The following MCTP1 variants were observed in gnomAD, a reference collection of about 807,000 sequenced individuals.
The protein encoded by MCTP1 is multiple C2 and transmembrane domain containing 1, also known as multiple C2 and transmembrane domain-containing protein 1.
MCTP1 carries 69 observed loss-of-function variants against 120.6 expected under a neutral mutation model. The observed-to-expected ratio is 0.57, with a 90% confidence interval of 0.47 to 0.70. The LOEUF is 0.70. Ranked by LOEUF, MCTP1 falls within the 30% of genes least tolerant of loss-of-function variation. The probability of loss-of-function intolerance (pLI) is 0.00; values close to 1 mark genes in which losing one functional copy is unlikely to be tolerated. For missense variants in MCTP1, 1,203 were observed against 1,248.8 expected (o/e 0.96, Z 0.55); for synonymous variants, 529 against 493.1 (o/e 1.07, Z -0.96).
At chr5:94,844,927 A>T (rs965252372) in intron 17 of MCTP1, among the ~76,000 whole-genome samples, 3 of 151,956 alleles carry the variant, frequency 2.0e-5, no homozygotes, top group Non-Finnish European at 4.4e-5. Flanking sequence ...CTCTAGTTTG[A>T]CTTCACATTA....
chr5:95,207,928 CGAGA>C (rs753843212), intron 1 of MCTP1, among the ~76,000 whole-genome samples: 7 of 84,616 alleles, frequency 8.3e-5, no homozygotes, highest in Middle Eastern at 6.8e-3. Flanking sequence ...AATGAGCGGG[CGAGA>C]GAGAGAGAGA....
At chr5:94,820,382 T>C (rs963248291) in intron 17 of MCTP1, among the ~76,000 whole-genome samples, 5 of 152,190 alleles carry the variant, frequency 3.3e-5, no homozygotes, top group African/African-American at 1.2e-4. Flanking sequence ...AGGTTAGCTG[T>C]TCAATGGTTG....
intron 13 of MCTP1, among the ~76,000 whole-genome samples, chr5:94,872,410 G>T (rs1209445328): frequency 6.6e-6 from 1 of 152,014 alleles, no homozygotes; most frequent in Middle Eastern, 3.4e-3. Flanking sequence ...ATTAGTTACC[G>T]GTTCTTAAGC....
intron 1 of MCTP1, among the ~76,000 whole-genome samples, chr5:95,272,869 T>C (rs1759518708): frequency 6.6e-6 from 1 of 152,208 alleles, no homozygotes; most frequent in Admixed American, 6.5e-5. Flanking sequence ...AAGTTTTTTT[T>C]CCACTTGAAA....
chr5:94,713,141 T>C (rs1347305293), intron 20 of MCTP1, among the ~76,000 whole-genome samples: 1 of 152,130 alleles, frequency 6.6e-6, no homozygotes, highest in Non-Finnish European at 1.5e-5. Flanking sequence ...CCCTTTCATT[T>C]TGTGCTTAAA....
chr5:95,175,003 T>G (rs561234202), intron 1 of MCTP1, among the ~76,000 whole-genome samples: 9 of 152,292 alleles, frequency 5.9e-5, no homozygotes, highest in African/African-American at 2.2e-4. Context: ...CTAAGTTTTT[T>G]GGTATGTGAT....
At chr5:94,954,480 A>G (rs939378282) in intron 2 of MCTP1, among the ~76,000 whole-genome samples, 1 of 152,004 alleles carries the variant, frequency 6.6e-6, no homozygotes, top group Non-Finnish European at 1.5e-5. Flanking sequence ...GGTGATGGGT[A>G]TTCTAAAAGC....
chr5:94,766,360 C>A (rs895633504), intron 19 of MCTP1, among the ~76,000 whole-genome samples: 8 of 152,158 alleles, frequency 5.3e-5, no homozygotes, highest in African/African-American at 1.9e-4. Context: ...TGGATGAGTT[C>A]ATGTCCTTTG....
chr5:95,145,302 C>G (rs947970795), intron 1 of MCTP1, among the ~76,000 whole-genome samples: 4 of 152,040 alleles, frequency 2.6e-5, no homozygotes, highest in Non-Finnish European at 5.9e-5. Flanking sequence ...TTGGTGCAGT[C>G]TTTTGGGGTT....
chr5:94,991,881 A>AG (rs1831618038), intron 2 of MCTP1, among the ~76,000 whole-genome samples: 1 of 150,714 alleles, frequency 6.6e-6, no homozygotes, highest in Admixed American at 6.6e-5. Context: ...CCATCTCAAA[A>AG]AAAAATAAAA....
At chr5:94,795,538 C>T (rs1580731970) in intron 18 of MCTP1, among the ~76,000 whole-genome samples, 1 of 152,266 alleles carries the variant, frequency 6.6e-6, no homozygotes. Context: ...AGAATTTTTC[C>T]CAGGTTTTGA....
intron 1 of MCTP1, among the ~76,000 whole-genome samples, chr5:95,243,074 CCT>C (rs1756351000): frequency 6.6e-6 from 1 of 152,106 alleles, no homozygotes; most frequent in Admixed American, 6.6e-5. Flanking sequence ...ACCCTGACTT[CCT>C]CTTAAGACTG....
intron 1 of MCTP1, among the ~76,000 whole-genome samples, chr5:95,110,403 C>T (rs1412979170): frequency 1.3e-5 from 2 of 152,086 alleles, no homozygotes; most frequent in Admixed American, 1.3e-4. Flanking sequence ...CTTCTCTATT[C>T]TGTCTCTCTC....
intron 2 of MCTP1, among the ~76,000 whole-genome samples, chr5:94,990,893 C>T (rs1012239383): frequency 6.6e-6 from 1 of 152,114 alleles, no homozygotes; most frequent in Non-Finnish European, 1.5e-5. Flanking sequence ...TGGTTATGAC[C>T]AGCCCTCTTT....
At chr5:95,196,082 C>G (rs1317484041) in intron 1 of MCTP1, among the ~76,000 whole-genome samples, 1 of 152,148 alleles carries the variant, frequency 6.6e-6, no homozygotes, top group South Asian at 2.1e-4. Flanking sequence ...TTTATCGCTA[C>G]TAGGAGCAAA....
chr5:94,706,502 C>G lies in MCTP1; in HGVS notation c.*994G>C, dbSNP rs953613099. 5 of 150,870 alleles carry G rather than the reference C, an allele frequency of 3.3e-5. No individual in the cohort carries two copies. Among genetic ancestry groups the G allele is most frequent in the African/African-American group, 1.2e-4 (5 of 41,104 alleles). 9.3% of individuals were successfully genotyped at this position (150,870 alleles called of 1,614,324 possible). On this transcript the variant is annotated 3_prime_UTR_variant, in exon 23 of 23. Transcript: ENST00000515393. The stretch of plus-strand genomic sequence containing the variant: ...GGCATATCACTTAGCACACTGAATT[C>G]TCTACATTAAAATTCACACTAATAA...
At chr5:95,030,888 T>G (rs768093757) in intron 1 of MCTP1, among the ~76,000 whole-genome samples, 1 of 151,312 alleles carries the variant, frequency 6.6e-6, no homozygotes, top group Non-Finnish European at 1.5e-5. Flanking sequence ...TGATATCCAA[T>G]AGAAAGCAGA....
intron 1 of MCTP1, among the ~76,000 whole-genome samples, chr5:95,133,427 T>A (rs1759199132): frequency 6.6e-6 from 1 of 152,162 alleles, no homozygotes; most frequent in East Asian, 1.9e-4. Context: ...ATCCCAGTAC[T>A]TTGGGAGGCC....
At chr5:95,091,182 T>C (rs992104958) in intron 1 of MCTP1, among the ~76,000 whole-genome samples, 2 of 152,076 alleles carry the variant, frequency 1.3e-5, no homozygotes, top group African/African-American at 4.8e-5. Context: ...AGACAGAAAA[T>C]TCATCCAGAA....
Sources: allele counts gnomAD v4.1 joint callset (sites outside exome capture counted in the v4.1 genomes callset), GRCh38; gene constraint gnomAD v4.1.1; transcripts MANE v1.5; gene names NCBI Gene and HGNC (gene_info 2026-07-23, HGNC 2026-07-21).